Variants in PRDM11 observed in about 807,000 individuals in gnomAD.
PRDM11 encodes PR domain-containing protein 11.
In PRDM11, 20 loss-of-function variants were observed where a neutral mutation model predicts 97.8. The observed-to-expected ratio is 0.20, with a 90% CI of 0.14 to 0.30. PRDM11 has a LOEUF of 0.30. Ranked by LOEUF, PRDM11 falls within the 10% of genes least tolerant of loss-of-function variation. The pLI is 1.00. For missense variants in PRDM11, 1,139 were observed against 1,555.2 expected (o/e 0.73, Z 4.50); for synonymous variants, 599 against 637.7 (o/e 0.94, Z 0.91).
At position 45,227,613 on chromosome 11, in the gene PRDM11, G is replaced by C; in HGVS notation, c.2988G>C (p.Arg996Ser). 1 of 1,533,930 alleles carries C rather than the reference G, an allele frequency of 6.5e-7. No individual in the cohort carries two copies. Among genetic ancestry groups the C allele is most frequent in the South Asian group, 1.2e-5 (1 of 83,960 alleles). ...CQVFDLAAWP[R>S]SSEELMSYGK... ...TGTTTGACCTGGCTGCCTGGCCCAGGAGCAGTGAGGAGCTGATGAGCTATG... is the reference window on the plus strand; with the variant it reads ...TGTTTGACCTGGCTGCCTGGCCCAGCAGCAGTGAGGAGCTGATGAGCTATG... The change falls in exon 8 of 8, where the codon AGG becomes AGC. Residue 996 changes from arginine to serine, a missense_variant. Transcript: ENST00000683152. This position sits in a 1 kb window ranked among gnomAD's most constrained non-coding sequence, Gnocchi z 8.0.
At chr11:45,097,069 T>C (rs1023124498) in intron 1 of PRDM11, among the ~76,000 whole-genome samples, 6 of 152,146 alleles carry the variant, frequency 3.9e-5, no homozygotes, top group Admixed American at 6.5e-5. Context: ...GGGAATTTGG[T>C]TTTAAGGTTC....
chr11:45,119,238 A>G (rs936455975), intron 1 of PRDM11, among the ~76,000 whole-genome samples: 2 of 152,350 alleles, frequency 1.3e-5, no homozygotes, highest in East Asian at 3.9e-4. Context: ...TTCCTGAAAC[A>G]TCTGTCAGAT....
chr11:45,215,091 A>G (rs943502763), intron 5 of PRDM11, among the ~76,000 whole-genome samples: 1 of 152,208 alleles, frequency 6.6e-6, no homozygotes, highest in African/African-American at 2.4e-5. Flanking sequence ...GAGGCTTTAG[A>G]AGGGTCAGGG....
rs1386904835 is a variant in PRDM11 at position 45,227,960 on chromosome 11, G to A, written c.3335G>A (p.Ser1112Asn). ...HRSRLTLEQL[S>N]DLLTIAVNGP... ...TCCCGCCTGACCCTGGAGCAGCTTA[G>A]CGACCTGTTGACAATCGCTGTAAAC... Residue 1112 changes from serine to asparagine, a missense_variant, in exon 8 of 8, where the codon AGC becomes AAC. Coordinates refer to ENST00000683152, the MANE Select transcript of PRDM11 (RefSeq NM_001384648.1). This position sits in a 1 kb window ranked among gnomAD's most constrained non-coding sequence, Gnocchi z 8.0. The A allele has an allele frequency of 3.3e-6, 5 of 1,533,880 alleles. No individual in the cohort carries two copies. The highest frequency in any genetic ancestry group is 4.4e-6 in the Non-Finnish European group (5 of 1,146,732).
intron 1 of PRDM11, among the ~76,000 whole-genome samples, chr11:45,137,323 C>T (rs1257225607): frequency 1.3e-5 from 2 of 151,820 alleles, no homozygotes; most frequent in Admixed American, 6.6e-5. Flanking sequence ...ACCCCAGCTA[C>T]TCGGGAGGCT....
chr11:45,188,035 A>G (rs1388067483), intron 4 of PRDM11, among the ~76,000 whole-genome samples: 1 of 152,072 alleles, frequency 6.6e-6, no homozygotes, highest in Non-Finnish European at 1.5e-5. Context: ...GTCCTGTCCC[A>G]AAGCCATACT....
chr11:45,168,426 A>G (rs921302396), intron 1 of PRDM11, among the ~76,000 whole-genome samples: 2 of 152,122 alleles, frequency 1.3e-5, no homozygotes, highest in Non-Finnish European at 2.9e-5. Context: ...GGAGGAGTGT[A>G]GGTATGAGGG....
chr11:45,220,450 T>C (rs977507250), intron 6 of PRDM11, among the ~76,000 whole-genome samples: 7 of 152,234 alleles, frequency 4.6e-5, no homozygotes, highest in African/African-American at 1.7e-4. Context: ...AGTCCTCAGC[T>C]ATAAACTTTT....
Position 45,160,233 on chromosome 11 carries a change from A to G in PRDM11, c.-7+13356A>G, listed in dbSNP as rs188316185. On this transcript the variant is annotated intron_variant, in intron 1 of 7. Coordinates refer to ENST00000683152, the MANE Select transcript of PRDM11 (RefSeq NM_001384648.1). ...GAGAGCTGTTGGCATGCCTCCAGGG[A>G]CTGGTAGCCCACTGGTTCCCAAGGC... 8.8e-3 allele frequency among the ~76,000 whole-genome samples: 1,335 copies of G among 152,302 alleles called. 7 individuals carry two copies. The highest frequency in any genetic ancestry group is 0.013 in the Non-Finnish European group (860 of 68,034).
Position 45,219,449 on chromosome 11 carries a change from A to T in PRDM11, c.555-121A>T. 1.0e-6 allele frequency: 1 copy of T among 967,286 alleles called. No homozygotes were observed. The highest frequency in any genetic ancestry group is 1.5e-6 in the Non-Finnish European group (1 of 656,054). 59.9% of individuals were successfully genotyped at this position (967,286 alleles called of 1,614,324 possible). ...CAGGGCAGCTGCTCTGCTGATGTTCACATGGGCCCACGTGCCTGTGGACTT... is the reference window on the plus strand; with the variant it reads ...CAGGGCAGCTGCTCTGCTGATGTTCTCATGGGCCCACGTGCCTGTGGACTT... On this transcript the variant is annotated intron_variant, in intron 5 of 7. Coordinates refer to ENST00000683152, the MANE Select transcript of PRDM11 (RefSeq NM_001384648.1). The surrounding 1 kb of genome is among the most constrained non-coding windows in gnomAD (Gnocchi z 4.2).
At chr11:45,177,370 A>G (rs1852353797) in intron 1 of PRDM11, among the ~76,000 whole-genome samples, 1 of 152,150 alleles carries the variant, frequency 6.6e-6, no homozygotes, top group Non-Finnish European at 1.5e-5. Flanking sequence ...CCCTTCCCCC[A>G]AGACTTTTGC....
chr11:45,132,262 T>C (rs1015109523), intron 1 of PRDM11, among the ~76,000 whole-genome samples: 1 of 152,098 alleles, frequency 6.6e-6, no homozygotes, highest in African/African-American at 2.4e-5. Flanking sequence ...AAACAAGAGC[T>C]TTGCCAGCCA....
chr11:45,119,446 T>C (rs765988700), intron 1 of PRDM11, among the ~76,000 whole-genome samples: 5 of 151,546 alleles, frequency 3.3e-5, no homozygotes, highest in African/African-American at 4.9e-5. Flanking sequence ...GCTAACACGG[T>C]GAAACCCTGT....
At chr11:45,142,766 C>T (rs373967211), upstream of PRDM11, among the ~76,000 whole-genome samples, 1 of 152,196 alleles carries the variant, frequency 6.6e-6, no homozygotes, top group African/African-American at 2.4e-5. Flanking sequence ...AGACGGATCC[C>T]TCAGCTGTTG....
At chr11:45,155,212 C>T (rs1021315041) in intron 1 of PRDM11, among the ~76,000 whole-genome samples, 1 of 152,236 alleles carries the variant, frequency 6.6e-6, no homozygotes, top group African/African-American at 2.4e-5. Context: ...GCTTCTCCCA[C>T]TATCTCTCAC....
In PRDM11 at chr11:45,210,654, G is replaced by C. The variant is rs571851062; in HGVS notation, c.554+5876G>C. Among the ~76,000 whole-genome samples the C allele has an allele frequency of 2.6e-5, 4 of 152,340 alleles. No homozygotes were observed. The East Asian group carries it at 7.7e-4, about 29-fold the overall frequency. ...TGCCATTGTGATCCACTTGCTTCCTGTTTGGCTGGGGCTCCTGACAGGTGG... is the reference window on the plus strand; with the variant it reads ...TGCCATTGTGATCCACTTGCTTCCTCTTTGGCTGGGGCTCCTGACAGGTGG... On this transcript the variant is annotated intron_variant, in intron 5 of 7. Transcript: ENST00000683152.
In PRDM11 at chr11:45,222,690, C is replaced by T. The variant is rs1854152633; in HGVS notation, c.743-1527C>T. ...AACCTAAAGGAAACCTGAAGTCAAA[C>T]ATGGGGCAGGGCACAGCACCCATAC... On this transcript the variant is annotated intron_variant, in intron 6 of 7. Coordinates refer to ENST00000683152, the MANE Select transcript of PRDM11 (RefSeq NM_001384648.1). 2.0e-5 allele frequency among the ~76,000 whole-genome samples: 3 copies of T among 152,188 alleles called. No homozygotes were observed. In the South Asian group the frequency reaches 6.2e-4, roughly 31 times the overall value.
chr11:45,159,620 C>A (rs945276821), intron 1 of PRDM11, among the ~76,000 whole-genome samples: 2 of 152,190 alleles, frequency 1.3e-5, no homozygotes, highest in African/African-American at 4.8e-5. Context: ...GAGGTAATGG[C>A]CTCCTTGGCC....
At chr11:45,117,455 G>A (rs142248801) in intron 1 of PRDM11, among the ~76,000 whole-genome samples, 11 of 152,306 alleles carry the variant, frequency 7.2e-5, no homozygotes, top group African/African-American at 2.6e-4. Context: ...AGCCCTCAAA[G>A]AGGAGAAGCA....
Sources: allele counts gnomAD v4.1 joint callset (sites outside exome capture counted in the v4.1 genomes callset), GRCh38; gene constraint gnomAD v4.1.1; non-coding constraint Gnocchi (gnomAD v3.1); transcripts MANE v1.5; gene names NCBI Gene and HGNC (gene_info 2026-07-23, HGNC 2026-07-21).